GALNT11: variants seen among roughly 807,000 people sequenced by gnomAD.
GALNT11 encodes UDP-GalNAc:polypeptide N-acetylgalactosaminyltransferase 11.
In GALNT11, 47 loss-of-function variants were observed where a neutral mutation model predicts 72.7. The observed-to-expected ratio is 0.65, with a 90% CI of 0.51 to 0.82. GALNT11 has a LOEUF of 0.82. GALNT11 is among the 40% of genes least tolerant of loss of function. The pLI, the probability that GALNT11 is intolerant of heterozygous loss-of-function variation, is 0.00. For synonymous variants in GALNT11, 270 were observed against 286.6 expected (o/e 0.94, Z 0.58); for missense variants, 677 against 778.4 (o/e 0.87, Z 1.55).
Position 152,117,239 on chromosome 7 carries a change from T to C in GALNT11, c.1316T>C (p.Leu439Ser), listed in dbSNP as rs751305413. Residue 439 changes from leucine to serine, a missense_variant, in exon 9 of 12, where the codon TTG becomes TCG. Leu to Ser is a moderately radical substitution (Grantham distance 145). Transcript: ENST00000430044. ...ISERVELRKKLGCKSFKWYLD... is the reference protein window; with the variant it reads ...ISERVELRKKSGCKSFKWYLD... ...GAGCGTGTGGAACTGAGAAAGAAGT[T>C]GGGCTGTAAATCATTTAAATGGTAT... 1.2e-6 allele frequency: 2 copies of C among 1,614,206 alleles called. No homozygotes were observed. The highest frequency in any genetic ancestry group is 1.7e-6 in the Non-Finnish European group (2 of 1,180,046).
chr7:152,037,425 C>G (rs1473955350), intron 1 of GALNT11, among the ~76,000 whole-genome samples: 2 of 152,094 alleles, frequency 1.3e-5, no homozygotes, highest in Admixed American at 1.3e-4. Flanking sequence ...GTCTGTGTGT[C>G]TGTTTTTATG....
At chr7:152,031,499 A>G (rs2082303491) in intron 1 of GALNT11, among the ~76,000 whole-genome samples, 2 of 152,198 alleles carry the variant, frequency 1.3e-5, no homozygotes, top group African/African-American at 2.4e-5. Context: ...TTACTATGCC[A>G]TTTACATCAT....
At chr7:152,098,875 T>C (rs1244892051) in intron 2 of GALNT11, among the ~76,000 whole-genome samples, 2 of 152,246 alleles carry the variant, frequency 1.3e-5, no homozygotes, top group Non-Finnish European at 2.9e-5. Flanking sequence ...AGAGAAGGCA[T>C]ATTAAGAGAT....
intron 8 of GALNT11, among the ~76,000 whole-genome samples, chr7:152,115,868 C>G (rs1158724944): frequency 6.6e-6 from 1 of 151,946 alleles, no homozygotes; most frequent in East Asian, 1.9e-4. Flanking sequence ...ACCAGCCTGA[C>G]CAACATGGAG....
intron 1 of GALNT11, among the ~76,000 whole-genome samples, 159 bp downstream of exon 1, chr7:152,026,043 G>C (rs2081993237): frequency 1.3e-5 from 2 of 151,820 alleles, no homozygotes; most frequent in African/African-American, 2.4e-5. Context: ...GGCGAGGCTC[G>C]TGTCTCCGGG....
intron 1 of GALNT11, among the ~76,000 whole-genome samples, chr7:152,063,413 C>T (rs1447528407): frequency 6.6e-6 from 1 of 152,154 alleles, no homozygotes; most frequent in Non-Finnish European, 1.5e-5. Flanking sequence ...AAAAAACCAG[C>T]TCCTGGATTC....
intron 1 of GALNT11, among the ~76,000 whole-genome samples, chr7:152,069,549 T>C (rs973004061): frequency 6.6e-6 from 1 of 152,220 alleles, no homozygotes; most frequent in Non-Finnish European, 1.5e-5. Flanking sequence ...GATTTGTCTC[T>C]GTATATTTTT....
chr7:152,070,494 C>T (rs1186911776), intron 1 of GALNT11, among the ~76,000 whole-genome samples: 2 of 152,142 alleles, frequency 1.3e-5, no homozygotes, highest in East Asian at 3.9e-4. Flanking sequence ...GCATCTGTTT[C>T]CTTGCCCTAT....
chr7:152,044,845 T>G (rs1486609938), intron 1 of GALNT11, among the ~76,000 whole-genome samples: 1 of 151,878 alleles, frequency 6.6e-6, no homozygotes, highest in Non-Finnish European at 1.5e-5. Flanking sequence ...GTGATGAAAG[T>G]GGGCATCCTT....
At chr7:152,095,846 C>A (rs1302960536) in intron 2 of GALNT11, among the ~76,000 whole-genome samples, 3 of 152,080 alleles carry the variant, frequency 2.0e-5, no homozygotes, top group Non-Finnish European at 4.4e-5. Context: ...AGCTGCCTAA[C>A]TGAAAAACTA....
chr7:152,078,627 A>G (rs918014604), intron 1 of GALNT11, among the ~76,000 whole-genome samples: 1 of 152,248 alleles, frequency 6.6e-6, no homozygotes, highest in African/African-American at 2.4e-5. Flanking sequence ...TCTAAGTAAT[A>G]TGCAAATTCA....
intron 1 of GALNT11, among the ~76,000 whole-genome samples, chr7:152,081,927 C>T (rs545606295): frequency 2.6e-5 from 4 of 152,172 alleles, no homozygotes; most frequent in African/African-American, 9.6e-5. Context: ...AAAATATTTT[C>T]CTTTGTATAG....
At chr7:152,080,564 T>C (rs1349947612) in intron 1 of GALNT11, among the ~76,000 whole-genome samples, 1 of 152,218 alleles carries the variant, frequency 6.6e-6, no homozygotes, top group African/African-American at 2.4e-5. Flanking sequence ...GTAGATTATA[T>C]AGCAAAACAT....
intron 3 of GALNT11, among the ~76,000 whole-genome samples, chr7:152,101,641 TTG>T (rs1491128574): frequency 5.0e-5 from 6 of 120,998 alleles, no homozygotes; most frequent in African/African-American, 2.2e-4. Flanking sequence ...TGGCTTTTTT[TTG>T]GGGGGGGGGG....
At chr7:152,032,692 T>C (rs893022580) in intron 1 of GALNT11, among the ~76,000 whole-genome samples, 4 of 152,222 alleles carry the variant, frequency 2.6e-5, no homozygotes, top group Non-Finnish European at 4.4e-5. Flanking sequence ...AGGCATTTTT[T>C]GCCCTTCCAA....
chr7:152,036,947 T>G (rs545781675), intron 1 of GALNT11, among the ~76,000 whole-genome samples: 1 of 152,388 alleles, frequency 6.6e-6, no homozygotes, highest in Admixed American at 6.5e-5. Context: ...ATTTTTTTCC[T>G]ATAGCATTGT....
chr7:152,028,771 G>A (rs1389104060), intron 1 of GALNT11, among the ~76,000 whole-genome samples: 3 of 151,794 alleles, frequency 2.0e-5, no homozygotes, highest in Non-Finnish European at 4.4e-5. Flanking sequence ...TGAAGAAGGG[G>A]CCCTGCAATT....
At chr7:152,117,584 G>A (rs2089000438) in intron 9 of GALNT11, 1 of 564,108 alleles carries the variant, frequency 1.8e-6, no homozygotes, top group South Asian at 2.2e-5. Context: ...CGGCATAGCT[G>A]CCTTCTGTGA....
chr7:152,116,800 T>C (rs561631474), intron 8 of GALNT11: 73 of 418,080 alleles, frequency 1.7e-4, no homozygotes, highest in Non-Finnish European at 3.1e-4. Flanking sequence ...GCAGTGTCAC[T>C]GTTCTCACTA....
Sources: gnomAD v4.1 joint callset for allele counts (sites outside exome capture counted in the v4.1 genomes callset) on GRCh38, gnomAD v4.1.1 for gene constraint, MANE v1.5 for transcripts, NCBI Gene and HGNC (gene_info 2026-07-23, HGNC 2026-07-21) for gene names.